The following USH2A variants were observed in gnomAD, a reference collection of about 807,000 sequenced individuals.
USH2A encodes the protein usherin, also known as Usher syndrome 2A (autosomal recessive, mild).
A neutral mutation model predicts 538.9 loss-of-function variants in USH2A; 443 were observed. The ratio of observed to expected loss-of-function variants is 0.82; its 90% CI spans 0.76 to 0.89. The LOEUF (loss-of-function observed/expected upper bound fraction) is 0.89. Ranked by LOEUF, USH2A falls within the 40% of genes least tolerant of loss-of-function variation. The probability of loss-of-function intolerance (pLI) is 0.00; values close to 1 mark genes in which losing one functional copy is unlikely to be tolerated. For missense variants in USH2A, 6,633 were observed against 6,324.8 expected (o/e 1.05, Z -1.65); for synonymous variants, 2,413 against 2,273.5 (o/e 1.06, Z -1.75).
chr1:215,842,543 G>T (rs997226736), intron 46 of USH2A, among the ~76,000 whole-genome samples: 3 of 152,112 alleles, frequency 2.0e-5, no homozygotes, highest in Admixed American at 1.3e-4. Flanking sequence ...CAATAGCAAT[G>T]ACATGGAATC....
intron 32 of USH2A, among the ~76,000 whole-genome samples, chr1:216,033,999 A>C (rs80096679): frequency 0.024 from 3,590 of 152,268 alleles, 136 homozygotes; most frequent in African/African-American, 0.08. Context: ...TGGCAGATAA[A>C]ATAAATTCAG....
At chr1:216,058,894 G>T (rs900731491) in intron 30 of USH2A, among the ~76,000 whole-genome samples, 1 of 152,108 alleles carries the variant, frequency 6.6e-6, no homozygotes, top group East Asian at 1.9e-4. Context: ...CTTGAGCAAG[G>T]TAGTGAACGA....
At chr1:215,796,545 C>T (rs987701520) in intron 50 of USH2A, among the ~76,000 whole-genome samples, 8 of 151,936 alleles carry the variant, frequency 5.3e-5, no homozygotes, top group African/African-American at 1.7e-4. Context: ...AGTTGATGAG[C>T]GTCCTGTGTG....
Position 215,641,091 on chromosome 1 carries a change from CCT to C in USH2A, c.14792-359_14792-358del, listed in dbSNP as rs60876274. 3.5e-3 allele frequency among the ~76,000 whole-genome samples: 539 copies of C among 152,094 alleles called. 4 individuals are homozygous for C. Among genetic ancestry groups the C allele is most frequent in the African/African-American group, 0.013 (525 of 41,478 alleles). On this transcript the variant is annotated intron_variant, in intron 67 of 71. Transcript: ENST00000307340. The stretch of plus-strand genomic sequence containing the variant: ...GGAGCTCATATTTTGTTGCATTTTC[CCT>C]CTTTTTAACAGGTAAAGTATCCTTA...
intron 14 of USH2A, among the ~76,000 whole-genome samples, chr1:216,225,664 C>G (rs2102510003): frequency 6.6e-6 from 1 of 152,242 alleles, no homozygotes; most frequent in South Asian, 2.1e-4. Context: ...GCCAATTCTG[C>G]CAAACCTGAG....
chr1:215,799,150 C>CATT (rs1329900140), intron 49 of USH2A, 25 bp from the exon 50 acceptor site: 7 of 1,599,838 alleles, frequency 4.4e-6, no homozygotes, highest in Non-Finnish European at 5.1e-6. Context: ...CAATAATAAT[C>CATT]ATTACATCAG....
At chr1:216,149,799 C>T (rs892262278) in intron 21 of USH2A, among the ~76,000 whole-genome samples, 1 of 152,124 alleles carries the variant, frequency 6.6e-6, no homozygotes, top group Admixed American at 6.5e-5. Flanking sequence ...AACTCTATAA[C>T]CTCAATGGAC....
At chr1:215,977,859 C>T (rs1667658884) in intron 35 of USH2A, among the ~76,000 whole-genome samples, 1 of 152,160 alleles carries the variant, frequency 6.6e-6, no homozygotes, top group South Asian at 2.1e-4. Flanking sequence ...AGCATGGTGG[C>T]TCATGCCTAT....
intron 60 of USH2A, among the ~76,000 whole-genome samples, chr1:215,738,682 A>G (rs1660219778): frequency 6.6e-6 from 1 of 152,180 alleles, no homozygotes; most frequent in East Asian, 1.9e-4. Flanking sequence ...GTGAGAAGAG[A>G]GTGGCAAACA....
chr1:216,421,771 G>T, intron 2 of USH2A, 81 bp downstream of exon 2: 3 of 1,602,242 alleles, frequency 1.9e-6, no homozygotes, highest in Admixed American at 1.7e-5. Flanking sequence ...TTCACTTCCG[G>T]TTTGGAATTC....
intron 21 of USH2A, among the ~76,000 whole-genome samples, chr1:216,172,604 A>C (rs958695048): frequency 6.6e-6 from 1 of 152,130 alleles, no homozygotes; most frequent in Non-Finnish European, 1.5e-5. Context: ...AACGCATAAC[A>C]CTTCAGCCCA....
At chr1:216,126,251 T>C (rs1017906549) in intron 21 of USH2A, among the ~76,000 whole-genome samples, 2 of 152,066 alleles carry the variant, frequency 1.3e-5, no homozygotes, top group Non-Finnish European at 2.9e-5. Flanking sequence ...TGAGATGAGG[T>C]CTTGCTCTGT....
chr1:216,067,542 G>A (rs2031421347), intron 30 of USH2A, among the ~76,000 whole-genome samples: 1 of 151,490 alleles, frequency 6.6e-6, no homozygotes. Context: ...AAGTATTGCA[G>A]TTGTCCAGGA....
intron 14 of USH2A, among the ~76,000 whole-genome samples, chr1:216,223,421 A>G (rs1003594021): frequency 4.6e-5 from 7 of 152,154 alleles, no homozygotes; most frequent in Non-Finnish European, 1.0e-4. Context: ...CCCTCTGTGC[A>G]GGTCCTTTGC....
At chr1:216,195,255 G>C (rs1187705134) in intron 19 of USH2A, among the ~76,000 whole-genome samples, 3 of 152,082 alleles carry the variant, frequency 2.0e-5, no homozygotes, top group Non-Finnish European at 4.4e-5. Flanking sequence ...AGAGCCAAAA[G>C]CCGTAATACA....
chr1:215,908,750 G>A (rs181840423), intron 38 of USH2A, among the ~76,000 whole-genome samples: 193 of 151,686 alleles, frequency 1.3e-3, no homozygotes, highest in Non-Finnish European at 2.0e-3. Context: ...TTATAGATGT[G>A]GAACATTCAC....
chr1:215,648,119 G>C (rs969894504), intron 66 of USH2A, among the ~76,000 whole-genome samples: 3 of 152,122 alleles, frequency 2.0e-5, no homozygotes, highest in African/African-American at 7.2e-5. Context: ...CTTTCAAACA[G>C]TGGTTTATGA....
intron 30 of USH2A, among the ~76,000 whole-genome samples, chr1:216,061,876 G>T (rs1390809089): frequency 1.3e-5 from 2 of 152,210 alleles, no homozygotes; most frequent in South Asian, 2.1e-4. Context: ...ACACTGGGAA[G>T]AAAGAAGCTG....
Position 216,250,969 on chromosome 1 carries a change from T to C in USH2A, c.2101A>G (p.Thr701Ala). The change falls in exon 12 of 72, where the codon ACA becomes GCA. Residue 701 changes from threonine to alanine, a missense_variant. Thr to Ala is a moderately conservative substitution (Grantham distance 58). Transcript: ENST00000307340. Reference sequence around the variant, plus strand: ...TGACAGGTAATATCTCCATCCACTGTCCCAGAGGTATTGCAGTTACAGGGA... The same window carrying C: ...TGACAGGTAATATCTCCATCCACTGCCCCAGAGGTATTGCAGTTACAGGGA... Reference protein sequence around the residue: ...CSPCNCNTSGTVDGDITCHQN... With the variant: ...CSPCNCNTSGAVDGDITCHQN... The C allele has an allele frequency of 6.2e-7, 1 of 1,614,082 alleles. No individual in the cohort carries two copies. Among genetic ancestry groups the C allele is most frequent in the Non-Finnish European group, 8.5e-7 (1 of 1,179,988 alleles).
Sources: allele counts gnomAD v4.1 joint callset (sites outside exome capture counted in the v4.1 genomes callset), GRCh38; gene constraint gnomAD v4.1.1; transcripts MANE v1.5; gene names NCBI Gene and HGNC (gene_info 2026-07-23, HGNC 2026-07-21).